The following HDAC4 variants were observed in gnomAD, a reference collection of about 807,000 sequenced individuals.
HDAC4 encodes the protein histone deacetylase A.
Under a neutral mutation model 135.1 loss-of-function variants are expected in HDAC4, and 16 were observed. That is an observed-to-expected ratio of 0.12 (90% CI 0.08 to 0.18). The LOEUF is 0.18. Among genes scored for constraint, HDAC4 ranks in the 10% least tolerant of loss-of-function variants. HDAC4 has a pLI of 1.00. For missense variants in HDAC4, 1,143 were observed against 1,511.8 expected, an observed-to-expected ratio of 0.76 and a Z score of 4.05; for synonymous variants, 685 against 653.4, an observed-to-expected ratio of 1.05 and a Z score of -0.74.
At chr2:239,130,069 T>C (rs920033191) in intron 11 of HDAC4, among the ~76,000 whole-genome samples, 14 of 152,358 alleles carry the variant, frequency 9.2e-5, no homozygotes, top group Non-Finnish European at 1.9e-4. Context: ...GTGTATTCCA[T>C]TGCTTTTTCT....
intron 4 of HDAC4, 133 bp downstream of exon 4, chr2:239,189,700 C>T (rs991975513): frequency 3.3e-5 from 27 of 821,856 alleles, no homozygotes; most frequent in South Asian, 7.4e-5. Flanking sequence ...ACCGTCCCAA[C>T]GCAGAAGGCC....
intron 5 of HDAC4, among the ~76,000 whole-genome samples, chr2:239,169,814 G>A (rs945510905): frequency 2.0e-5 from 3 of 152,054 alleles, no homozygotes; most frequent in Admixed American, 6.5e-5. Flanking sequence ...CCCCTATGCC[G>A]CCCCGTCTCC....
At chr2:239,254,209 T>TC (rs773345138) in intron 2 of HDAC4, among the ~76,000 whole-genome samples, 1 of 151,876 alleles carries the variant, frequency 6.6e-6, no homozygotes, top group Non-Finnish European at 1.5e-5. Context: ...ACACCCACAA[T>TC]CCACAGCACA....
Position 239,307,902 on chromosome 2 carries a change from A to G in HDAC4, c.22+44776T>C, listed in dbSNP as rs2052682403. On this transcript the variant is annotated intron_variant, in intron 2 of 26. Transcript: ENST00000543185. The surrounding 1 kb of genome is among the most constrained non-coding windows in gnomAD (Gnocchi z 4.8). The stretch of plus-strand genomic sequence containing the variant: ...CCGAGCCACATCACGTTTTGCCACT[A>G]TCTCAGAATTCCTGATCTCCACCTG... Among the ~76,000 whole-genome samples the G allele has an allele frequency of 6.6e-6, 1 of 152,076 alleles. No homozygotes were observed. The highest frequency in any genetic ancestry group is 2.4e-5 in the African/African-American group (1 of 41,410).
intron 14 of HDAC4, among the ~76,000 whole-genome samples, chr2:239,109,941 T>G (rs989672739): frequency 6.6e-6 from 1 of 151,854 alleles, no homozygotes; most frequent in African/African-American, 2.4e-5. Flanking sequence ...AGCTGGAGCG[T>G]AGAGAGATGG....
rs1047738215 is a variant in HDAC4 at position 239,068,099 on chromosome 2, C to A, written c.2869+390G>T. Among the ~76,000 whole-genome samples, 8 of 152,172 alleles carry A rather than the reference C, an allele frequency of 5.3e-5. No homozygotes were observed. Among genetic ancestry groups the A allele is most frequent in the African/African-American group, 1.9e-4 (8 of 41,440 alleles). Reference sequence around the variant, plus strand: ...ATCCAACTCTGAACTCAACTGTGCCCCCAGCAACTTCCCTTTACAGTTCCA... The same window carrying A: ...ATCCAACTCTGAACTCAACTGTGCCACCAGCAACTTCCCTTTACAGTTCCA... On this transcript the variant is annotated intron_variant, in intron 23 of 26. Transcript: ENST00000543185. The surrounding 1 kb of genome is among the most constrained non-coding windows in gnomAD (Gnocchi z 4.4).
intron 1 of HDAC4, among the ~76,000 whole-genome samples, chr2:239,390,560 T>C (rs962683663): frequency 1.5e-3 from 226 of 151,846 alleles, no homozygotes; most frequent in African/African-American, 5.1e-3. Context: ...TCTCAAAAGA[T>C]ATATATATAT....
At chr2:239,159,741 C>T (rs2042671475) in intron 6 of HDAC4, among the ~76,000 whole-genome samples, 2 of 152,240 alleles carry the variant, frequency 1.3e-5, no homozygotes, top group African/African-American at 2.4e-5. Context: ...CCCCACGGAG[C>T]CCTGAGGGCA....
At chr2:239,338,454 C>CCTT (rs777679683) in intron 2 of HDAC4, among the ~76,000 whole-genome samples, 3 of 152,138 alleles carry the variant, frequency 2.0e-5, no homozygotes, top group East Asian at 3.8e-4. Context: ...CTCACACCGA[C>CCTT]CTTCGTCCAA....
At chr2:239,213,033 T>C (rs2046426182) in intron 3 of HDAC4, among the ~76,000 whole-genome samples, 1 of 152,202 alleles carries the variant, frequency 6.6e-6, no homozygotes, top group Non-Finnish European at 1.5e-5. Context: ...CTTTACTGTC[T>C]GCCCCTCCCT....
At chr2:239,114,245 G>A (rs1392550846) in intron 13 of HDAC4, among the ~76,000 whole-genome samples, 2 of 152,198 alleles carry the variant, frequency 1.3e-5, no homozygotes, top group Non-Finnish European at 2.9e-5. Context: ...GGTGCTCAAC[G>A]GCACGGCCGG....
chr2:239,164,660 A>G (rs1425402717), intron 5 of HDAC4, among the ~76,000 whole-genome samples: 1 of 152,218 alleles, frequency 6.6e-6, no homozygotes, highest in Non-Finnish European at 1.5e-5. Context: ...ACAGCACCTT[A>G]AGTATCTTCC....
intron 5 of HDAC4, among the ~76,000 whole-genome samples, chr2:239,172,761 A>T (rs537723141): frequency 6.6e-6 from 1 of 152,232 alleles, no homozygotes; most frequent in East Asian, 1.9e-4. Flanking sequence ...AACAAAAGCA[A>T]AACAAAACAG....
At chr2:239,061,689 C>T (rs2032763068) in intron 24 of HDAC4, among the ~76,000 whole-genome samples, 1 of 152,310 alleles carries the variant, frequency 6.6e-6, no homozygotes, top group Non-Finnish European at 1.5e-5. Flanking sequence ...CTCAGTCCCT[C>T]ACACACACTT....
At chr2:239,381,020 G>A (rs1695382305) in intron 1 of HDAC4, among the ~76,000 whole-genome samples, 1 of 152,128 alleles carries the variant, frequency 6.6e-6, no homozygotes, top group African/African-American at 2.4e-5. Context: ...TGAAACAACA[G>A]CATCCCACAC....
upstream of HDAC4, chr2:239,401,453 C>G (rs1015354265): frequency 6.1e-6 from 1 of 162,684 alleles, no homozygotes; most frequent in South Asian, 1.5e-4. Flanking sequence ...TGAGGAGGCG[C>G]AGGGACCGGG....
At chr2:239,229,209 T>C (rs1046109547) in intron 3 of HDAC4, among the ~76,000 whole-genome samples, 8 of 152,206 alleles carry the variant, frequency 5.3e-5, no homozygotes, top group African/African-American at 1.9e-4. Context: ...ATTCGCCTAA[T>C]TGCCAAAAGT....
chr2:239,195,318 C>A (rs990804982), intron 3 of HDAC4, among the ~76,000 whole-genome samples: 5 of 152,230 alleles, frequency 3.3e-5, no homozygotes, highest in Non-Finnish European at 7.3e-5. Flanking sequence ...CCGGCCACGG[C>A]CATTGCTCAC....
intron 1 of HDAC4, among the ~76,000 whole-genome samples, chr2:239,363,568 G>A (rs1360586194): frequency 6.6e-6 from 1 of 152,292 alleles, no homozygotes; most frequent in Non-Finnish European, 1.5e-5. Context: ...CATACAGCCC[G>A]CCATGATGGA....
Sources: allele counts gnomAD v4.1 joint callset (sites outside exome capture counted in the v4.1 genomes callset), GRCh38; gene constraint gnomAD v4.1.1; non-coding constraint Gnocchi (gnomAD v3.1); transcripts MANE v1.5; gene names NCBI Gene and HGNC (gene_info 2026-07-23, HGNC 2026-07-21).